KAZN: variants seen among roughly 807,000 people sequenced by gnomAD.
The protein encoded by KAZN is kazrin, periplakin interacting protein, also known as kazrin.
In KAZN, 40 loss-of-function variants were observed where a neutral mutation model predicts 87.4. That is an observed-to-expected ratio of 0.46 (90% confidence interval 0.36 to 0.60). The LOEUF is 0.60. Ranked by LOEUF, KAZN falls within the 20% of genes least tolerant of loss-of-function variation. The probability of loss-of-function intolerance (pLI) is 0.00; values close to 1 mark genes in which losing one functional copy is unlikely to be tolerated. For synonymous variants in KAZN, 466 were observed against 458.3 expected, an observed-to-expected ratio of 1.02 and a Z score of -0.22; for missense variants, 898 against 1,073.9, an observed-to-expected ratio of 0.84 and a Z score of 2.29.
intron 1 of KAZN, among the ~76,000 whole-genome samples, chr1:13,922,685 G>T (rs1197099135): frequency 6.6e-6 from 1 of 152,156 alleles, no homozygotes; most frequent in Non-Finnish European, 1.5e-5. Context: ...GAGAAAGCAT[G>T]ACTCATCAAG....
At chr1:14,711,264 T>C (rs940720688) in intron 1 of KAZN, among the ~76,000 whole-genome samples, 1 of 147,448 alleles carries the variant, frequency 6.8e-6, no homozygotes, top group Non-Finnish European at 1.5e-5. Flanking sequence ...CCCAGCCACT[T>C]GGGAGGCTGA....
At chr1:14,073,270 G>A (rs762441436) in intron 1 of KAZN, among the ~76,000 whole-genome samples, 1 of 152,182 alleles carries the variant, frequency 6.6e-6, no homozygotes, top group Non-Finnish European at 1.5e-5. Context: ...GAGAGCTGAA[G>A]AATTTGACAG....
At chr1:15,060,428 C>A in intron 6 of KAZN, 126 bp downstream of exon 6, 1 of 1,252,630 alleles carries the variant, frequency 8.0e-7, no homozygotes, top group African/African-American at 1.5e-5. Context: ...CTGGCGAATG[C>A]ATTTCCTGTT....
chr1:14,166,768 C>T (rs1397953649), intron 1 of KAZN, among the ~76,000 whole-genome samples: 10 of 152,044 alleles, frequency 6.6e-5, no homozygotes, highest in Non-Finnish European at 1.0e-4. Flanking sequence ...TATTAAAAGC[C>T]GTTCCTCTGG....
In KAZN at chr1:14,547,963, C is replaced by A. The variant is rs191502506; in HGVS notation, c.250-51020C>A. On this transcript the variant is annotated intron_variant, in intron 2 of 16. Transcript: ENST00000636203. ...ACAGTGGTGTCCAATATTTTGGATT[C>A]CCTGGGCCACACTGGAAGAAGAAGA... Among the ~76,000 whole-genome samples the A allele has an allele frequency of 2.7e-4, 41 of 151,628 alleles. No homozygotes were observed. In the East Asian group the frequency reaches 3.5e-3, roughly 13 times the overall value.
chr1:14,875,482 T>TAAA (rs34495884), intron 1 of KAZN, among the ~76,000 whole-genome samples: 3 of 134,140 alleles, frequency 2.2e-5, no homozygotes, highest in African/African-American at 5.6e-5. Context: ...CTTAATTTAT[T>TAAA]AAAAAAAAAA....
chr1:14,456,106 G>T (rs1455517261), intron 2 of KAZN, among the ~76,000 whole-genome samples: 3 of 152,194 alleles, frequency 2.0e-5, no homozygotes, highest in Non-Finnish European at 4.4e-5. Flanking sequence ...AAGTGCATGA[G>T]CATGCGTTTA....
At chr1:13,995,764 G>A (rs12754217) in intron 1 of KAZN, among the ~76,000 whole-genome samples, 21,371 of 152,096 alleles carry the variant, frequency 0.14, 1,613 homozygotes, top group Middle Eastern at 0.22. Flanking sequence ...TCAGTTTTGG[G>A]ACTCAGACTG....
chr1:14,451,294 C>T (rs534589397), intron 2 of KAZN, among the ~76,000 whole-genome samples: 2 of 152,234 alleles, frequency 1.3e-5, no homozygotes, highest in Admixed American at 1.3e-4. Flanking sequence ...GAAACAGTGT[C>T]ATCTACCCAT....
intron 1 of KAZN, among the ~76,000 whole-genome samples, chr1:14,643,424 C>T (rs890264208): frequency 1.3e-5 from 2 of 152,138 alleles, no homozygotes; most frequent in African/African-American, 2.4e-5. Flanking sequence ...ATGTGGTATT[C>T]AGTTTCCTGT....
At chr1:13,995,893 C>T (rs1184162099) in intron 1 of KAZN, among the ~76,000 whole-genome samples, 2 of 152,176 alleles carry the variant, frequency 1.3e-5, no homozygotes, top group South Asian at 2.1e-4. Context: ...TGAAGCTCAA[C>T]ATGATAGAGG....
rs147088068 is a variant in KAZN at position 14,361,827 on chromosome 1, A to G, written c.249+181235A>G. On this transcript the variant is annotated intron_variant, in intron 2 of 16. Transcript: ENST00000636203. ...GGAGCTGCAGACCAGAGTTGTTCCT[A>G]TTCGGCCATCTTGAGTCATTTACCC... 4.2e-3 allele frequency among the ~76,000 whole-genome samples: 640 copies of G among 152,314 alleles called. 3 individuals carry two copies. Among genetic ancestry groups the G allele is most frequent in the African/African-American group, 0.015 (603 of 41,560 alleles).
intron 1 of KAZN, among the ~76,000 whole-genome samples, chr1:14,753,935 T>A (rs922952136): frequency 6.6e-6 from 1 of 152,232 alleles, no homozygotes; most frequent in Admixed American, 6.5e-5. Context: ...GTCCTCCTCC[T>A]CCTTCTCCTG....
At chr1:14,446,402 T>C (rs1230495687) in intron 2 of KAZN, among the ~76,000 whole-genome samples, 1 of 152,168 alleles carries the variant, frequency 6.6e-6, no homozygotes, top group Non-Finnish European at 1.5e-5. Flanking sequence ...AGCAGGGATC[T>C]AGTGGTATCT....
intron 2 of KAZN, among the ~76,000 whole-genome samples, chr1:14,546,458 G>T (rs539595540): frequency 2.0e-5 from 3 of 151,468 alleles, no homozygotes; most frequent in Non-Finnish European, 2.9e-5. Flanking sequence ...CCTTTATGGG[G>T]GTGAGAGGTG....
chr1:14,581,950 A>T (rs1172468385), intron 2 of KAZN, among the ~76,000 whole-genome samples: 1 of 151,706 alleles, frequency 6.6e-6, no homozygotes, highest in African/African-American at 2.4e-5. Flanking sequence ...CCCTTCCCAC[A>T]CATTATATAC....
At chr1:14,748,636 A>G (rs74518930) in intron 1 of KAZN, among the ~76,000 whole-genome samples, 3,315 of 152,324 alleles carry the variant, frequency 0.022, 144 homozygotes, top group African/African-American at 0.076. Flanking sequence ...TTTCACCTAC[A>G]TGAGTTTTGT....
At chr1:14,624,489 C>T (rs1483972742) in intron 1 of KAZN, among the ~76,000 whole-genome samples, 1 of 151,560 alleles carries the variant, frequency 6.6e-6, no homozygotes, top group African/African-American at 2.4e-5. Context: ...CCCTGCAGTT[C>T]TCAGCTTTCG....
chr1:14,897,047 C>T (rs187963054), intron 1 of KAZN, among the ~76,000 whole-genome samples: 73 of 152,306 alleles, frequency 4.8e-4, no homozygotes, highest in African/African-American at 1.6e-3. Context: ...AGGAACTGTA[C>T]TTGCAGATGT....
Sources: gnomAD v4.1 joint callset for allele counts (sites outside exome capture counted in the v4.1 genomes callset) on GRCh38, gnomAD v4.1.1 for gene constraint, MANE v1.5 for transcripts, NCBI Gene and HGNC (gene_info 2026-07-23, HGNC 2026-07-21) for gene names.